The following SAMD9L variants were observed in gnomAD, a reference collection of about 807,000 sequenced individuals.
The protein encoded by SAMD9L is sterile alpha motif domain-containing protein 9-like.
SAMD9L carries 68 observed loss-of-function variants against 90.7 expected under a neutral mutation model. The ratio of observed to expected loss-of-function variants is 0.75; its 90% CI spans 0.62 to 0.92. The LOEUF is 0.92. Among genes scored for constraint, SAMD9L ranks in the 40% least tolerant of loss-of-function variants. The probability of loss-of-function intolerance (pLI) is 0.00; values close to 1 mark genes in which losing one functional copy is unlikely to be tolerated. For missense variants in SAMD9L, 1,604 were observed against 1,824.3 expected (o/e 0.88, Z 2.20); for synonymous variants, 640 against 630.1 (o/e 1.02, Z -0.23).
At chr7:93,140,664 C>T (rs1792655001) in intron 4 of SAMD9L, among the ~76,000 whole-genome samples, 1 of 152,246 alleles carries the variant, frequency 6.6e-6, no homozygotes, top group South Asian at 2.1e-4. Context: ...CCTGAAACCA[C>T]ATCTACCCAT....
chr7:93,132,493 G>C lies in SAMD9L; in HGVS notation c.3479C>G (p.Ser1160Ter). 3.1e-6 allele frequency: 5 copies of C among 1,613,868 alleles called. No individual in the cohort carries two copies. Among genetic ancestry groups the C allele is most frequent in the Non-Finnish European group, 4.2e-6 (5 of 1,179,834 alleles). Reference protein sequence around the residue: ...THLLEAAEKASRAFKESQRQT... With the variant: ...THLLEAAEKA ...CCTTTGGGATTCTTTGAAAGCTCTT[G>C]AGGCTTTTTCCGCAGCTTCTAGGAG... The change falls in exon 5 of 5, where the codon TCA becomes TGA. Residue 1160 changes from serine to a stop codon, truncating the protein, a stop_gained. Transcript: ENST00000318238. LOFTEE classifies it high-confidence loss of function.
In SAMD9L at chr7:93,134,617, A is replaced by T. The variant is rs1053923190; in HGVS notation, c.1355T>A (p.Ile452Asn). The change falls in exon 5 of 5, where the codon ATC becomes AAC. Residue 452 changes from isoleucine to asparagine, a missense_variant. Physicochemically the swap from Ile to Asn is moderately radical, Grantham distance 149. Around this residue, in one of 7 missense-constraint regions of SAMD9L, gnomAD observed 606 missense variants for 717.6 expected, o/e 0.84. Coordinates refer to ENST00000318238, the MANE Select transcript of SAMD9L (RefSeq NM_152703.5). ...TTTGTAAGCTTTGACCACTCCATTG[A>T]TCATAGATTCAGGATCAAACTCCAA... ...AVLEFDPESM[I>N]NGVVKAYKES... The T allele has an allele frequency of 6.2e-7, 1 of 1,613,984 alleles. No individual in the cohort carries two copies. The highest frequency in any genetic ancestry group is 2.2e-5 in the East Asian group (1 of 44,882).
intron 4 of SAMD9L, among the ~76,000 whole-genome samples, chr7:93,137,110 G>A (rs1371715875): frequency 6.6e-6 from 1 of 152,154 alleles, no homozygotes. Flanking sequence ...AGGATCAAAT[G>A]AAACAAAAAC....
chr7:93,131,648 C>G lies in SAMD9L; in HGVS notation c.4324G>C (p.Asp1442His). 1.9e-6 allele frequency: 3 copies of G among 1,613,886 alleles called. No homozygotes were observed. The highest frequency in any genetic ancestry group is 2.5e-6 in the Non-Finnish European group (3 of 1,179,886). ...TTTTCTATTAGTTTGGAATCTTGAT[C>G]TAGCTCTTGATTTTCTGGCCAGAAC... ...LLFWPENQEL[D>H]QDSKLIEKYV... Residue 1442 changes from aspartate (D) to histidine (H), a missense_variant, in exon 5 of 5, where the codon GAT (aspartate) becomes CAT (histidine). By Grantham distance (81) the Asp-to-His change is moderately conservative. Transcript: ENST00000318238.
Position 93,134,516 on chromosome 7 carries a change from T to C in SAMD9L, c.1456A>G (p.Thr486Ala). 1 of 1,613,902 alleles carries C rather than the reference T, an allele frequency of 6.2e-7. No individual in the cohort carries two copies. The highest frequency in any genetic ancestry group is 8.5e-7 in the Non-Finnish European group (1 of 1,179,886). Residue 486 changes from threonine (T) to alanine (A), a missense_variant, in exon 5 of 5, where the codon ACT becomes GCT. Coordinates refer to ENST00000318238, the MANE Select transcript of SAMD9L (RefSeq NM_152703.5). ...KTTNMWEKIS[T>A]LNLYQQPSWI... ...CTGGGCTGTTGGTAAAGATTAAGAG[T>C]AGAAATCTTCTCCCACATGTTAGTT...
At position 93,135,215 on chromosome 7, in the gene SAMD9L, T is replaced by C; in HGVS notation, c.757A>G (p.Lys253Glu). ...ATGAAGGCAGCCTTACTGGTGATTT[T>C]CACACCAACAATTTCTCCATGGGGT... is the stretch of plus-strand genomic sequence containing the variant. ...DKPHGEIVGV[K>E]ITSKAAFIDH... The change falls in exon 5 of 5, where the codon AAA (lysine) becomes GAA (glutamate). Residue 253 changes from lysine to glutamate, a missense_variant. Lys to Glu is a moderately conservative substitution (Grantham distance 56). Coordinates refer to ENST00000318238, the MANE Select transcript of SAMD9L (RefSeq NM_152703.5). 2 of 1,614,122 alleles carry C rather than the reference T, an allele frequency of 1.2e-6. No individual in the cohort carries two copies. Among genetic ancestry groups the C allele is most frequent in the South Asian group, 2.2e-5 (2 of 91,088 alleles).
In SAMD9L at chr7:93,132,648, C is replaced by G; in HGVS notation, c.3324G>C (p.Gln1108His). Residue 1108 changes from glutamine (Q) to histidine (H), a missense_variant, in exon 5 of 5, where the codon CAG becomes CAC. Around this residue, in one of 7 missense-constraint regions of SAMD9L, gnomAD observed 302 missense variants for 314.7 expected, o/e 0.96. Transcript: ENST00000318238. ...AATTTTTAGGTGCTTTCATTTTGGCCTGACGTGCCCAGTCCAGAGCTGTGT... is the reference window on the plus strand; with the variant it reads ...AATTTTTAGGTGCTTTCATTTTGGCGTGACGTGCCCAGTCCAGAGCTGTGT... Reference protein sequence around the residue: ...DFNTALDWARQAKMKAPKNSY... With the variant: ...DFNTALDWARHAKMKAPKNSY... 6.2e-7 allele frequency: 1 copy of G among 1,613,748 alleles called. No homozygotes were observed.
In SAMD9L at chr7:93,131,205, T is replaced by C. The variant is rs750997138; in HGVS notation, c.*12A>G. ...TAAATAAACGTATTTGAACTACAGGTGATGTATTGTCTTAAATTACTTCTA... is the reference window on the plus strand; with the variant it reads ...TAAATAAACGTATTTGAACTACAGGCGATGTATTGTCTTAAATTACTTCTA... On this transcript the variant is annotated 3_prime_UTR_variant, in exon 5 of 5. Transcript: ENST00000318238. 7.3e-7 allele frequency: 1 copy of C among 1,378,132 alleles called. No homozygotes were observed. Among genetic ancestry groups the C allele is most frequent in the Admixed American group, 2.3e-5 (1 of 43,788 alleles). The allele number at this position is 1,378,132 out of a possible 1,614,324, so 85.4% of individuals were successfully genotyped here. A position where few individuals can be genotyped will look rare whatever the true frequency, so the allele number is the denominator to read the frequency against.
At chr7:93,139,703 G>A (rs1432247888) in intron 4 of SAMD9L, among the ~76,000 whole-genome samples, 1 of 152,152 alleles carries the variant, frequency 6.6e-6, no homozygotes, top group African/African-American at 2.4e-5. Context: ...AAGTGACTCT[G>A]TGCTACTTTG....
Position 93,134,243 on chromosome 7 carries a change from T to C in SAMD9L, c.1729A>G (p.Met577Val). Residue 577 changes from methionine (M) to valine (V), a missense_variant, in exon 5 of 5, where the codon ATG (methionine) becomes GTG (valine). Transcript: ENST00000318238. The stretch of plus-strand genomic sequence containing the variant: ...TGTGAGTTTACAGAGATACACAACA[T>C]ATTTTCCATTCCTTTGAGAGCTTGA... ...FYQALKGMEN[M>V]LCISVNSHIY... is the part of the protein sequence containing the mutation. The C allele has an allele frequency of 3.1e-6, 5 of 1,613,574 alleles. No homozygotes were observed. Among genetic ancestry groups the C allele is most frequent in the Non-Finnish European group, 4.2e-6 (5 of 1,179,824 alleles).
At chr7:93,136,273 T>C (rs1792449335) in intron 4 of SAMD9L, among the ~76,000 whole-genome samples, 1 of 152,154 alleles carries the variant, frequency 6.6e-6, no homozygotes, top group Non-Finnish European at 1.5e-5. Context: ...TTAGCTTAAC[T>C]TGGTGAAAGT....
chr7:93,144,273 G>A (rs939661171), intron 4 of SAMD9L, among the ~76,000 whole-genome samples: 1 of 151,990 alleles, frequency 6.6e-6, no homozygotes, highest in Admixed American at 6.5e-5. Flanking sequence ...TGTACACTGG[G>A]CCCTCCCTAT....
In SAMD9L at chr7:93,135,359, T is replaced by C. The variant is rs750597213; in HGVS notation, c.613A>G (p.Thr205Ala). 1 of 1,614,138 alleles carries C rather than the reference T, an allele frequency of 6.2e-7. No homozygotes were observed. The highest frequency in any genetic ancestry group is 1.1e-5 in the South Asian group (1 of 91,076). Residue 205 changes from threonine (T) to alanine (A), a missense_variant, in exon 5 of 5, where the codon ACA becomes GCA. Physicochemically the swap from Thr to Ala is moderately conservative, Grantham distance 58. This residue lies in a region of SAMD9L where 374 missense variants were observed against 363.6 expected (regional missense o/e 1.03). Transcript: ENST00000318238. ...PIHEFKALTN[T>A]ETATEVDIKM... Reference sequence around the variant, plus strand: ...ATGTCCACTTCCGTGGCTGTTTCTGTGTTTGTGAGAGCTTTGAACTCATGT... The same window carrying C: ...ATGTCCACTTCCGTGGCTGTTTCTGCGTTTGTGAGAGCTTTGAACTCATGT...
chr7:93,137,891 A>G (rs1010379142), intron 4 of SAMD9L, among the ~76,000 whole-genome samples: 2 of 152,094 alleles, frequency 1.3e-5, no homozygotes, highest in Non-Finnish European at 2.9e-5. Context: ...CTGGGGCTTC[A>G]GCTTGCAGCC....
rs1297543941 is a variant in SAMD9L at position 93,135,189 on chromosome 7, A to C, written c.783T>G (p.Ile261Met). The change falls in exon 5 of 5, where the codon ATT (isoleucine) becomes ATG (methionine). Residue 261 changes from isoleucine to methionine, a missense_variant. Transcript: ENST00000318238. ...GVKITSKAAF[I>M]DHFNVMIKKY... ...TTTTGATCATTACATTGAAGTGGTC[A>C]ATGAAGGCAGCCTTACTGGTGATTT... The C allele has an allele frequency of 6.2e-7, 1 of 1,614,002 alleles. No individual in the cohort carries two copies. Among genetic ancestry groups the C allele is most frequent in the South Asian group, 1.1e-5 (1 of 91,086 alleles).
At chr7:93,144,519 C>T (rs1289429342) in intron 4 of SAMD9L, among the ~76,000 whole-genome samples, 2 of 152,214 alleles carry the variant, frequency 1.3e-5, no homozygotes, top group African/African-American at 4.8e-5. Flanking sequence ...CTTGCCATTT[C>T]ACATTAGGGA....
Position 93,132,687 on chromosome 7 carries a change from T to C in SAMD9L, c.3285A>G (p.Lys1095=), listed in dbSNP as rs79858266. The part of the protein sequence containing the change: ...CQALARHFYI[K]EKDFNTALDW... ...CCAGAGCTGTGTTAAAGTCCTTCTC[T>C]TTAATGTAGAAATGTCTTGCTAAGG... Residue 1095 remains lysine, a synonymous_variant, in exon 5 of 5, where the codon AAA becomes AAG. Coordinates refer to ENST00000318238, the MANE Select transcript of SAMD9L (RefSeq NM_152703.5). 3.5e-3 allele frequency: 5,710 copies of C among 1,613,922 alleles called. 18 individuals are homozygous for C. Among genetic ancestry groups the C allele is most frequent in the Non-Finnish European group, 4.3e-3 (5,035 of 1,179,840 alleles).
At chr7:93,146,688 T>A (rs1243513795) in intron 2 of SAMD9L, among the ~76,000 whole-genome samples, 195 bp downstream of exon 2, 1 of 152,208 alleles carries the variant, frequency 6.6e-6, no homozygotes, top group Non-Finnish European at 1.5e-5. Flanking sequence ...ATTATTTCGC[T>A]TGGCTGGAAC....
Position 93,130,905 on chromosome 7 carries a change from G to T in SAMD9L, c.*312C>A. ...ATTTAGAAAACTTATAAAAGCAATT[G>T]AGTTTAACACAGATTTTATTGCCCT... On this transcript the variant is annotated 3_prime_UTR_variant, in exon 5 of 5. Transcript: ENST00000318238. The T allele has an allele frequency of 4.8e-6, 1 of 209,314 alleles. No individual in the cohort carries two copies. The highest frequency in any genetic ancestry group is 9.4e-6 in the Non-Finnish European group (1 of 106,764). The allele number at this position is 209,314 out of a possible 1,614,324, so 13.0% of individuals were successfully genotyped here. A position where few individuals can be genotyped will look rare whatever the true frequency, so the allele number is the denominator to read the frequency against.
Sources: gnomAD v4.1 joint callset for allele counts (sites outside exome capture counted in the v4.1 genomes callset) on GRCh38, gnomAD v4.1.1 for gene constraint, gnomAD v4.1.1 regional missense constraint, MANE v1.5 for transcripts, NCBI Gene and HGNC (gene_info 2026-07-23, HGNC 2026-07-21) for gene names.